Variants in TBCCD1 observed in about 807,000 individuals in gnomAD.
TBCCD1 encodes TBCC domain containing 1.
TBCCD1 carries 26 observed loss-of-function variants against 53.4 expected under a neutral mutation model. The ratio of observed to expected loss-of-function variants is 0.49; its 90% CI spans 0.36 to 0.68. TBCCD1 has a LOEUF of 0.68. Ranked by LOEUF, TBCCD1 falls within the 30% of genes least tolerant of loss-of-function variation. The probability of loss-of-function intolerance (pLI) is 0.00; values close to 1 mark genes in which losing one functional copy is unlikely to be tolerated. For synonymous variants in TBCCD1, 245 were observed against 241.7 expected (o/e 1.01, Z -0.13); for missense variants, 558 against 669.5 (o/e 0.83, Z 1.84).
intron 2 of TBCCD1, among the ~76,000 whole-genome samples, chr3:186,561,438 T>C (rs931522324): frequency 6.6e-6 from 1 of 152,132 alleles, no homozygotes. Flanking sequence ...TTAGTAAGGA[T>C]GTGAAGAAAA....
At chr3:186,564,838 G>T (rs572408170) in intron 1 of TBCCD1, among the ~76,000 whole-genome samples, 30 of 152,332 alleles carry the variant, frequency 2.0e-4, no homozygotes, top group African/African-American at 7.2e-4. Flanking sequence ...AAGTGCTAAT[G>T]TGAGGCAGCA....
upstream of TBCCD1, chr3:186,569,960 A>G: frequency 1.8e-6 from 1 of 570,364 alleles, no homozygotes; most frequent in South Asian, 2.2e-5. Flanking sequence ...AATGGTTTTT[A>G]CTCGTTGCCT....
At chr3:186,554,036 C>T (rs911570701) in intron 6 of TBCCD1, among the ~76,000 whole-genome samples, 3 of 152,116 alleles carry the variant, frequency 2.0e-5, no homozygotes, top group Non-Finnish European at 2.9e-5. Flanking sequence ...TTAGTAGAGA[C>T]GGGGTTTCAC....
At chr3:186,556,060 C>G (rs1206226160) in intron 4 of TBCCD1, among the ~76,000 whole-genome samples, 1 of 152,096 alleles carries the variant, frequency 6.6e-6, no homozygotes, top group East Asian at 1.9e-4. Context: ...ACTGGGAGGT[C>G]ACATGAGTAT....
intron 7 of TBCCD1, 51 bp downstream of exon 7, chr3:186,551,078 G>T: frequency 1.3e-6 from 2 of 1,556,218 alleles, no homozygotes; most frequent in Admixed American, 4.1e-5. Context: ...TTTTTTTTAT[G>T]CTTGAAAGAT....
chr3:186,558,312 A>AT, intron 3 of TBCCD1, 105 bp downstream of exon 3: 1 of 1,365,706 alleles, frequency 7.3e-7, no homozygotes. Flanking sequence ...AAGCCATCAA[A>AT]TCACTGGCTT....
At chr3:186,558,657 C>T in intron 2 of TBCCD1, 85 bp from the exon 3 acceptor site, 1 of 1,460,310 alleles carries the variant, frequency 6.8e-7, no homozygotes, top group Non-Finnish European at 9.2e-7. Flanking sequence ...AGTAAATTCA[C>T]AAGTTGGCTG....
At chr3:186,552,839 T>C (rs939435359) in intron 6 of TBCCD1, among the ~76,000 whole-genome samples, 1 of 152,194 alleles carries the variant, frequency 6.6e-6, no homozygotes, top group Non-Finnish European at 1.5e-5. Context: ...TCTATAGATG[T>C]GTTCCTGGTG....
At chr3:186,567,597 G>A (rs1480910496), upstream of TBCCD1, 1 of 152,258 alleles carries the variant, frequency 6.6e-6, no homozygotes, top group Non-Finnish European at 1.5e-5. Context: ...ATAGCTGCTG[G>A]TAAGATCAGC....
At chr3:186,568,913 AAG>A (rs1189432598), upstream of TBCCD1, among the ~76,000 whole-genome samples, 1 of 139,568 alleles carries the variant, frequency 7.2e-6, no homozygotes, top group Admixed American at 7.1e-5. Context: ...AGGAAAAAAA[AAG>A]AAATAAAGAA....
intron 3 of TBCCD1, among the ~76,000 whole-genome samples, chr3:186,557,088 G>A (rs963736048): frequency 1.3e-5 from 2 of 152,020 alleles, no homozygotes; most frequent in Admixed American, 6.6e-5. Flanking sequence ...TTTAAATCTG[G>A]CCAATTTCAA....
intron 7 of TBCCD1, among the ~76,000 whole-genome samples, chr3:186,547,606 CTTTT>C (rs574168560): frequency 2.4e-5 from 3 of 127,134 alleles, no homozygotes; most frequent in Non-Finnish European, 5.1e-5. Flanking sequence ...TTGCTAAATT[CTTTT>C]TTTTTTTTTT....
rs750181644 is a variant in TBCCD1 at position 186,554,706 on chromosome 3, G to A, written c.1092C>T (p.Gly364=). The A allele has an allele frequency of 7.4e-6, 12 of 1,614,018 alleles. No individual in the cohort carries two copies. The Admixed American group carries it at 1.0e-4, about 13-fold the overall frequency. ...EKCRNSIFVL[G]PVGTTLHLHS... ...GGAGGTGAAGTGTAGTCCCTACAGGGCCCAAGACAAAGATGCTATTCCTGC... is the reference window on the plus strand; with the variant it reads ...GGAGGTGAAGTGTAGTCCCTACAGGACCCAAGACAAAGATGCTATTCCTGC... Residue 364 remains glycine (G), a synonymous_variant, in exon 6 of 8, where the codon GGC becomes GGT. Transcript: ENST00000338733.
At chr3:186,550,610 T>C (rs1009555711) in intron 7 of TBCCD1, among the ~76,000 whole-genome samples, 1 of 151,958 alleles carries the variant, frequency 6.6e-6, no homozygotes. Context: ...GAATACCATA[T>C]GTCTGGATTA....
chr3:186,557,800 G>T (rs749690758), intron 3 of TBCCD1, among the ~76,000 whole-genome samples: 1 of 152,116 alleles, frequency 6.6e-6, no homozygotes, highest in East Asian at 1.9e-4. Context: ...ATAGCAAAGA[G>T]ATATTTTTTC....
intron 6 of TBCCD1, among the ~76,000 whole-genome samples, chr3:186,552,331 G>T (rs180900425): frequency 6.6e-6 from 1 of 152,156 alleles, no homozygotes; most frequent in African/African-American, 2.4e-5. Context: ...AGGCCTTGGT[G>T]TAGGATCTGG....
At chr3:186,558,329 G>A (rs1714598046) in intron 3 of TBCCD1, 88 bp downstream of exon 3, 1 of 1,473,568 alleles carries the variant, frequency 6.8e-7, no homozygotes, top group Non-Finnish European at 9.2e-7. Context: ...GCTTATGTAA[G>A]AAATCTCATC....
chr3:186,553,156 AC>A (rs968713641), intron 6 of TBCCD1, among the ~76,000 whole-genome samples: 1 of 152,178 alleles, frequency 6.6e-6, no homozygotes, highest in African/African-American at 2.4e-5. Flanking sequence ...GGATCTCACC[AC>A]TTGAAAACAC....
At chr3:186,548,019 G>T (rs894258393) in intron 7 of TBCCD1, among the ~76,000 whole-genome samples, 2 of 152,092 alleles carry the variant, frequency 1.3e-5, no homozygotes, top group Admixed American at 1.3e-4. Flanking sequence ...CCGCTTCTAG[G>T]TATATATCCA....
Sources: allele counts gnomAD v4.1 joint callset (sites outside exome capture counted in the v4.1 genomes callset), GRCh38; gene constraint gnomAD v4.1.1; transcripts MANE v1.5; gene names NCBI Gene and HGNC (gene_info 2026-07-23, HGNC 2026-07-21).